The following REEP6 variants were observed in gnomAD, a reference collection of about 807,000 sequenced individuals.
REEP6 encodes receptor expression-enhancing protein 6.
REEP6 carries 19 observed loss-of-function variants against 22.4 expected under a neutral mutation model. The ratio of observed to expected loss-of-function variants is 0.85; its 90% confidence interval spans 0.59 to 1.25. The LOEUF is 1.25. Among genes scored for constraint, REEP6 ranks in the 50% most tolerant of loss-of-function variants. REEP6 has a pLI of 0.00. For synonymous variants in REEP6, 121 were observed against 113.6 expected (o/e 1.06, Z -0.41); for missense variants, 273 against 251.9 (o/e 1.08, Z -0.57).
At position 1,495,986 on chromosome 19, in the gene REEP6, C is replaced by T. The variant is rs1055014835; in HGVS notation, c.349-299C>T. The T allele has an allele frequency of 1.7e-4, 90 of 532,872 alleles. 1 individual carries two copies. Among genetic ancestry groups the T allele is most frequent in the African/African-American group, 1.3e-3 (69 of 52,752 alleles). The allele number at this position is 532,872 out of a possible 1,614,324, so 33.0% of individuals were successfully genotyped here. A position where few individuals can be genotyped will look rare whatever the true frequency, so the allele number is the denominator to read the frequency against. On this transcript the variant is annotated intron_variant, in intron 3 of 4. Coordinates refer to ENST00000233596, the MANE Select transcript of REEP6 (RefSeq NM_138393.4). ...TGATGGTGGAGACCCAGGCTTATTC[C>T]AATAATATGTCTGATGGCACAGGGC...
Position 1,496,368 on chromosome 19 carries a change from C to T in REEP6, c.432C>T (p.Phe144=). The T allele has an allele frequency of 1.2e-6, 2 of 1,613,232 alleles. No individual in the cohort carries two copies. The highest frequency in any genetic ancestry group is 1.1e-5 in the South Asian group (1 of 91,078). The change falls in exon 4 of 5, where the codon TTC becomes TTT. Residue 144 remains phenylalanine (F), a synonymous_variant. Coordinates refer to ENST00000233596, the MANE Select transcript of REEP6 (RefSeq NM_138393.4). ...ATCAGCGCGTCGTGCGTCCGCTGTT[C>T]CTAAGGCACCACGGGGCCGTAGACA... ...MLYQRVVRPL[F]LRHHGAVDRI... is the part of the protein sequence containing the mutation.
Position 1,497,129 on chromosome 19 carries a change from C to G in REEP6, c.518-45C>G. On this transcript the variant is annotated intron_variant, in intron 4 of 4. Coordinates refer to ENST00000233596, the MANE Select transcript of REEP6 (RefSeq NM_138393.4). This position sits in a 1 kb window ranked among gnomAD's most constrained non-coding sequence, Gnocchi z 6.5. ...CGCCTGCGAGCAGCTCCGGGGAGCCCAGGCCTGCCTCACGGCCCTCCCCCA... is the reference window on the plus strand; with the variant it reads ...CGCCTGCGAGCAGCTCCGGGGAGCCGAGGCCTGCCTCACGGCCCTCCCCCA... 1 of 1,347,914 alleles carries G rather than the reference C, an allele frequency of 7.4e-7. No homozygotes were observed. Among genetic ancestry groups the G allele is most frequent in the Non-Finnish European group, 1.0e-6 (1 of 1,004,950 alleles). The allele number at this position is 1,347,914 out of a possible 1,614,324, so 83.5% of individuals were successfully genotyped here.
At chr19:1,496,503 A>G in intron 4 of REEP6, 50 bp downstream of exon 4, 3 of 1,592,426 alleles carry the variant, frequency 1.9e-6, no homozygotes, top group Non-Finnish European at 2.6e-6. Context: ...CCGGGTCTGG[A>G]CCTGTCTCTC....
chr19:1,495,511 G>A lies in REEP6; in HGVS notation c.252G>A (p.Val84=), dbSNP rs574927315. 83 of 1,614,086 alleles carry A rather than the reference G, an allele frequency of 5.1e-5. No homozygotes were observed. The South Asian group carries it at 8.8e-4, about 17-fold the overall frequency. Residue 84 remains valine (V), a synonymous_variant, in exon 3 of 5, where the codon GTG becomes GTA. Coordinates refer to ENST00000233596, the MANE Select transcript of REEP6 (RefSeq NM_138393.4). ...IESPSKDDDT[V]WLTYWVVYAL... The stretch of plus-strand genomic sequence containing the variant: ...GCCCAAGCAAGGACGACGACACTGT[G>A]TGGCTCACCTACTGGGTGGTGTACG...
At chr19:1,494,231 C>T (rs949863361) in intron 1 of REEP6, among the ~76,000 whole-genome samples, 6 of 152,298 alleles carry the variant, frequency 3.9e-5, no homozygotes, top group Middle Eastern at 3.4e-3. Context: ...AGTGCACACC[C>T]GACCAAAGGG....
Position 1,496,587 on chromosome 19 carries a change from C to G in REEP6, c.517+134C>G, listed in dbSNP as rs1413750309. ...CCTCTCTCTCTCACGCTTCCGGGAACCAGTCTTGCAGGTCCTGGCCCGTAG... is the reference window on the plus strand; with the variant it reads ...CCTCTCTCTCTCACGCTTCCGGGAAGCAGTCTTGCAGGTCCTGGCCCGTAG... On this transcript the variant is annotated intron_variant, in intron 4 of 4. Coordinates refer to ENST00000233596, the MANE Select transcript of REEP6 (RefSeq NM_138393.4). 2.8e-5 allele frequency: 33 copies of G among 1,171,634 alleles called. No individual in the cohort carries two copies. The highest frequency in any genetic ancestry group is 4.1e-5 in the Non-Finnish European group (33 of 800,996). 72.6% of individuals were successfully genotyped at this position (1,171,634 alleles called of 1,614,324 possible).
intron 1 of REEP6, 51 bp from the exon 2 acceptor site, chr19:1,495,243 G>T: frequency 6.4e-7 from 1 of 1,572,190 alleles, no homozygotes; most frequent in Non-Finnish European, 8.7e-7. Flanking sequence ...GTACCGTCGT[G>T]GGGGCTCAGC....
intron 1 of REEP6, among the ~76,000 whole-genome samples, chr19:1,493,600 T>TTC (rs369911972): frequency 0.06 from 9,088 of 151,920 alleles, 430 homozygotes; most frequent in Non-Finnish European, 0.082. Flanking sequence ...GTTTTGGCTG[T>TTC]TGAATAATTC....
chr19:1,492,678 G>T (rs1374438928), intron 1 of REEP6, among the ~76,000 whole-genome samples: 1 of 152,188 alleles, frequency 6.6e-6, no homozygotes, highest in Non-Finnish European at 1.5e-5. Context: ...GGTATTCTGG[G>T]TAGAGGACAG....
Position 1,495,598 on chromosome 19 carries a change from C to G in REEP6, c.339C>G (p.Tyr113Ter), listed in dbSNP as rs1386891500. 2 of 1,613,924 alleles carry G rather than the reference C, an allele frequency of 1.2e-6. No individual in the cohort carries two copies. The highest frequency in any genetic ancestry group is 1.3e-5 in the African/African-American group (1 of 74,950). The change falls in exon 3 of 5, where the codon TAC becomes TAG. Residue 113 changes from tyrosine to a stop codon, truncating the protein, a stop_gained. Coordinates refer to ENST00000233596, the MANE Select transcript of REEP6 (RefSeq NM_138393.4). LOFTEE classifies it high-confidence loss of function. ...DLLLSWFPFY[Y>*]VGKCAFLLFC... ...TCCTGTCCTGGTTCCCTTTCTACTA[C>G]GTGGGCAAGGTGGGCCCTGCCAGGG...
rs768977745 is a variant in REEP6, at chr19:1,497,783, C to T, written c.*572C>T. Reference sequence around the variant, plus strand: ...TGCCCGAGCTGGTCCCCTGCCATTCCGGGACCTCTCTGGAGTACACTTCGG... The same window carrying T: ...TGCCCGAGCTGGTCCCCTGCCATTCTGGGACCTCTCTGGAGTACACTTCGG... On this transcript the variant is annotated 3_prime_UTR_variant, in exon 5 of 5. Coordinates refer to ENST00000233596, the MANE Select transcript of REEP6 (RefSeq NM_138393.4). This position sits in a 1 kb window ranked among gnomAD's most constrained non-coding sequence, Gnocchi z 6.5. 3.8e-5 allele frequency: 18 copies of T among 470,658 alleles called. No homozygotes were observed. Among genetic ancestry groups the T allele is most frequent in the African/African-American group, 8.0e-5 (4 of 50,062 alleles). The allele number at this position is 470,658 out of a possible 1,614,324, so 29.2% of individuals were successfully genotyped here.
chr19:1,495,778 C>A, intron 3 of REEP6, 171 bp downstream of exon 3: 1 of 854,822 alleles, frequency 1.2e-6, no homozygotes, highest in Non-Finnish European at 1.8e-6. Flanking sequence ...GGTGGAGGGC[C>A]CACCCTGAAG....
intron 4 of REEP6, chr19:1,496,679 A>AC (rs779263552): frequency 1.4e-6 from 1 of 705,806 alleles, no homozygotes; most frequent in East Asian, 2.8e-5. Flanking sequence ...ACCGTACGTA[A>AC]CCGCTGTGGG....
chr19:1,493,595 GGC>G (rs2084983161), intron 1 of REEP6, among the ~76,000 whole-genome samples: 1 of 149,778 alleles, frequency 6.7e-6, no homozygotes, highest in Non-Finnish European at 1.5e-5. Flanking sequence ...CCCCAGTTTT[GGC>G]TGTTGAATAA....
rs1453329109 is a variant in REEP6, at chr19:1,495,280, CCT to C, written c.116-8_116-7del. The C allele has an allele frequency of 1.2e-6, 2 of 1,610,294 alleles. No individual in the cohort carries two copies. The highest frequency in any genetic ancestry group is 2.7e-5 in the African/African-American group (2 of 74,946). ...GGTCCCCAGCCCTGGCACACCACCG[CCT>C]CTCTCCGGCAGGAGCCGTCACTCTG... On this transcript the variant is annotated splice_polypyrimidine_tract_variant and intron_variant, in intron 1 of 4. Coordinates refer to ENST00000233596, the MANE Select transcript of REEP6 (RefSeq NM_138393.4).
rs754696222 is a variant in REEP6 at position 1,491,584 on chromosome 19, G to C, written c.115+200G>C. Among the ~76,000 whole-genome samples the C allele has an allele frequency of 1.8e-4, 28 of 152,070 alleles. No individual in the cohort carries two copies. Among genetic ancestry groups the C allele is most frequent in the Non-Finnish European group, 4.0e-4 (27 of 67,984 alleles). On this transcript the variant is annotated intron_variant, in intron 1 of 4. Transcript: ENST00000233596. This position sits in a 1 kb window ranked among gnomAD's most constrained non-coding sequence, Gnocchi z 5.4. Reference sequence around the variant, plus strand: ...CCTGCTCCCGGGCCACCCCTCTCTAGCTTCCGCCCCTGGCCGCCCCCCGAC... The same window carrying C: ...CCTGCTCCCGGGCCACCCCTCTCTACCTTCCGCCCCTGGCCGCCCCCCGAC...
In REEP6 at chr19:1,497,395, C is replaced by T. The variant is rs774541793; in HGVS notation, c.*184C>T. ...TCGGGCAAGTCCCAGTCCCAGTCCT[C>T]GGCCACCCCCAGCTCTGGATCCCAG... On this transcript the variant is annotated 3_prime_UTR_variant, in exon 5 of 5. Coordinates refer to ENST00000233596, the MANE Select transcript of REEP6 (RefSeq NM_138393.4). The surrounding 1 kb of genome is among the most constrained non-coding windows in gnomAD (Gnocchi z 6.5). 19 of 720,816 alleles carry T rather than the reference C, an allele frequency of 2.6e-5. No homozygotes were observed. Among genetic ancestry groups the T allele is most frequent in the East Asian group, 8.1e-5 (3 of 37,216 alleles). The allele number at this position is 720,816 out of a possible 1,614,324, so 44.7% of individuals were successfully genotyped here. A position where few individuals can be genotyped will look rare whatever the true frequency, so the allele number is the denominator to read the frequency against.
rs577168267 is a variant in REEP6 at position 1,495,773 on chromosome 19, A to G, written c.348+166A>G. ...AGCCCTGTCCGGGGGCTGATGGTGG[A>G]GGGCCCACCCTGAAGGGTGTCTGAT... On this transcript the variant is annotated intron_variant, in intron 3 of 4. Transcript: ENST00000233596. 3.4e-6 allele frequency: 3 copies of G among 892,686 alleles called. No individual in the cohort carries two copies. The Admixed American group carries it at 8.1e-5, about 24-fold the overall frequency. The allele number at this position is 892,686 out of a possible 1,614,324, so 55.3% of individuals were successfully genotyped here.
intron 1 of REEP6, among the ~76,000 whole-genome samples, 160 bp from the exon 2 acceptor site, chr19:1,495,134 G>A (rs2084994733): frequency 6.6e-6 from 1 of 152,222 alleles, no homozygotes; most frequent in African/African-American, 2.4e-5. Context: ...AGGCACGATG[G>A]GGGATGTACA....
Sources: gnomAD v4.1 joint callset for allele counts (sites outside exome capture counted in the v4.1 genomes callset) on GRCh38, gnomAD v4.1.1 for gene constraint, Gnocchi (gnomAD v3.1) non-coding constraint, MANE v1.5 for transcripts, NCBI Gene and HGNC (gene_info 2026-07-23, HGNC 2026-07-21) for gene names.